Variants in TRIM37 observed in about 807,000 individuals in gnomAD.
TRIM37 encodes the protein E3 ubiquitin-protein ligase TRIM37.
Under a neutral mutation model 129.8 loss-of-function variants are expected in TRIM37, and 80 were observed. That is an observed-to-expected ratio of 0.62 (90% confidence interval 0.51 to 0.74). TRIM37 has a LOEUF of 0.74. Among genes scored for constraint, TRIM37 ranks in the 30% least tolerant of loss-of-function variants. The probability of loss-of-function intolerance (pLI) is 0.00; values close to 1 mark genes in which losing one functional copy is unlikely to be tolerated. For missense variants in TRIM37, 1,054 were observed against 1,176.5 expected (o/e 0.90, Z 1.52); for synonymous variants, 389 against 387.1 (o/e 1.00, Z -0.06).
chr17:59,099,609 C>G (rs1021504617), intron 2 of TRIM37, among the ~76,000 whole-genome samples: 35 of 151,980 alleles, frequency 2.3e-4, no homozygotes, highest in African/African-American at 8.5e-4. Flanking sequence ...TGGTAAATAA[C>G]TCCTGGAAAA....
At chr17:59,019,533 C>T (rs954462684) in intron 19 of TRIM37, among the ~76,000 whole-genome samples, 6 of 152,072 alleles carry the variant, frequency 3.9e-5, no homozygotes, top group African/African-American at 1.2e-4. Context: ...CATGGTGAAA[C>T]CTCGTCTCTA....
intron 13 of TRIM37, 114 bp downstream of exon 13, chr17:59,056,761 T>TAGTTAGTATG (rs1441123216): frequency 6.3e-6 from 3 of 474,772 alleles, no homozygotes; most frequent in Non-Finnish European, 7.8e-6. Context: ...GATAAGGTTA[T>TAGTTAGTATG]AGTTAGTATG....
At chr17:58,973,415 A>C in the TRIM37 span, among the ~76,000 whole-genome samples, 1 of 54,664 alleles carries the variant, frequency 1.8e-5, no homozygotes, top group Non-Finnish European at 4.3e-5. Context: ...AGACTGTCTC[A>C]AAAAAAAAAA....
In TRIM37 at chr17:59,051,309, T is replaced by C. The variant is rs2040322192; in HGVS notation, c.1219A>G (p.Thr407Ala). ...VILRFQVRSP[T>A]FFQKSRDQHW... Reference sequence around the variant, plus strand: ...TGGTCCCGGGATTTTTGAAAGAAAGTTGGTGAACGTACCTGAAACCTTAAA... The same window carrying C: ...TGGTCCCGGGATTTTTGAAAGAAAGCTGGTGAACGTACCTGAAACCTTAAA... The change falls in exon 14 of 24, where the codon ACT (threonine) becomes GCT (alanine). Residue 407 changes from threonine to alanine, a missense_variant. By Grantham distance (58) the Thr-to-Ala change is moderately conservative. This residue lies in a region of TRIM37 where 752 missense variants were observed against 870.8 expected (regional missense o/e 0.86). Transcript: ENST00000262294. 1.9e-6 allele frequency: 3 copies of C among 1,613,274 alleles called. No individual in the cohort carries two copies. Among genetic ancestry groups the C allele is most frequent in the Non-Finnish European group, 2.5e-6 (3 of 1,179,334 alleles).
intron 2 of TRIM37, among the ~76,000 whole-genome samples, chr17:59,101,636 T>G (rs1271941109): frequency 2.0e-5 from 2 of 99,824 alleles, no homozygotes; most frequent in Non-Finnish European, 3.8e-5. Context: ...CTGGGCAACA[T>G]AGTGAAACCC....
At chr17:59,038,057 A>C (rs2038754635) in intron 17 of TRIM37, among the ~76,000 whole-genome samples, 1 of 152,162 alleles carries the variant, frequency 6.6e-6, no homozygotes, top group South Asian at 2.1e-4. Context: ...ATCACTTACA[A>C]TACTGTCAAC....
intron 13 of TRIM37, among the ~76,000 whole-genome samples, chr17:59,056,203 C>A (rs1401508192): frequency 6.6e-6 from 1 of 151,946 alleles, no homozygotes; most frequent in Non-Finnish European, 1.5e-5. Context: ...TCCCACCCAC[C>A]CCCTTTTTTT....
intron 24 of TRIM37, among the ~76,000 whole-genome samples, chr17:58,991,739 A>T (rs2144135927): frequency 6.6e-6 from 1 of 152,320 alleles, no homozygotes; most frequent in Admixed American, 6.5e-5. Context: ...AGAAAAACCA[A>T]AAAGAATGGC....
At chr17:59,040,173 T>C (rs2038995395) in intron 17 of TRIM37, among the ~76,000 whole-genome samples, 1 of 152,136 alleles carries the variant, frequency 6.6e-6, no homozygotes, top group Non-Finnish European at 1.5e-5. Context: ...CCCAAAGTGC[T>C]GAGATTACAG....
intron 13 of TRIM37, among the ~76,000 whole-genome samples, chr17:59,055,871 CATG>C (rs747310992): frequency 7.2e-5 from 11 of 152,092 alleles, no homozygotes; most frequent in Non-Finnish European, 1.5e-4. Flanking sequence ...ACCAAATCAC[CATG>C]ATGTGAGTTT....
intron 22 of TRIM37, 151 bp from the exon 23 acceptor site, chr17:59,001,865 C>A (rs1240692025): frequency 9.9e-6 from 11 of 1,113,996 alleles, no homozygotes; most frequent in African/African-American, 1.6e-5. Context: ...AAAACAAAGA[C>A]AAAAGTAACC....
chr17:58,990,082 G>A (rs574195986), intron 24 of TRIM37, among the ~76,000 whole-genome samples: 13 of 150,530 alleles, frequency 8.6e-5, no homozygotes, highest in African/African-American at 2.4e-4. Context: ...GGAGGCTGAG[G>A]TGGGAGGATT....
intron 19 of TRIM37, among the ~76,000 whole-genome samples, chr17:59,026,221 C>T (rs1224719504): frequency 6.6e-6 from 1 of 152,096 alleles, no homozygotes; most frequent in Non-Finnish European, 1.5e-5. Context: ...CATGGGCAAG[C>T]AAGTCAGACC....
chr17:59,055,092 T>A (rs1052930899), intron 13 of TRIM37, among the ~76,000 whole-genome samples: 1 of 151,940 alleles, frequency 6.6e-6, no homozygotes, highest in Non-Finnish European at 1.5e-5. Context: ...ATCCCAGCAC[T>A]ATGGGAGGCC....
At chr17:58,978,338 AT>A (rs565461354), downstream of TRIM37, among the ~76,000 whole-genome samples, 6 of 152,270 alleles carry the variant, frequency 3.9e-5, no homozygotes, top group East Asian at 1.2e-3. Context: ...ATACTATGTA[AT>A]GATGATTTAT....
intron 7 of TRIM37, among the ~76,000 whole-genome samples, chr17:59,076,949 C>G (rs1454538172): frequency 6.6e-6 from 1 of 151,908 alleles, no homozygotes; most frequent in East Asian, 1.9e-4. Context: ...CCACCATGCC[C>G]GGTTAATTTT....
chr17:59,041,495 T>C (rs1319558124), intron 17 of TRIM37, among the ~76,000 whole-genome samples: 1 of 152,226 alleles, frequency 6.6e-6, no homozygotes, highest in Non-Finnish European at 1.5e-5. Context: ...ATTACTCTCA[T>C]TTACTAAATT....
At chr17:59,052,424 AT>A (rs1272877088) in intron 13 of TRIM37, among the ~76,000 whole-genome samples, 2 of 152,026 alleles carry the variant, frequency 1.3e-5, no homozygotes, top group African/African-American at 4.8e-5. Flanking sequence ...TTAGCTGTTC[AT>A]TTTTTTCTAG....
chr17:59,084,736 G>T (rs1262136676), intron 4 of TRIM37, among the ~76,000 whole-genome samples: 2 of 152,106 alleles, frequency 1.3e-5, no homozygotes, highest in Non-Finnish European at 2.9e-5. Flanking sequence ...GATCACAAGG[G>T]CAGGACCCAA....
Sources: gnomAD v4.1 joint callset for allele counts (sites outside exome capture counted in the v4.1 genomes callset) on GRCh38, gnomAD v4.1.1 for gene constraint, gnomAD v4.1.1 regional missense constraint, MANE v1.5 for transcripts, NCBI Gene and HGNC (gene_info 2026-07-23, HGNC 2026-07-21) for gene names.